The following ODAD2 variants were observed in gnomAD, a reference collection of about 807,000 sequenced individuals.
The protein encoded by ODAD2 is outer dynein arm docking complex subunit 2.
Under a neutral mutation model 106.8 loss-of-function variants are expected in ODAD2, and 89 were observed. The observed-to-expected ratio is 0.83, with a 90% CI of 0.70 to 0.99. The LOEUF is 0.99. ODAD2 is among the 50% of genes least tolerant of loss of function. The probability of loss-of-function intolerance (pLI) is 0.00; values close to 1 mark genes in which losing one functional copy is unlikely to be tolerated. For missense variants in ODAD2, 1,168 were observed against 1,238.5 expected, an observed-to-expected ratio of 0.94 and a Z score of 0.85; for synonymous variants, 404 against 436.2, an observed-to-expected ratio of 0.93 and a Z score of 0.92.
chr10:27,943,655 C>T (rs990591824), intron 12 of ODAD2, among the ~76,000 whole-genome samples: 18 of 151,490 alleles, frequency 1.2e-4, no homozygotes, highest in African/African-American at 3.6e-4. Flanking sequence ...GGCTTGATGG[C>T]GGGCACCTGT....
chr10:27,874,265 G>T (rs893614210), intron 17 of ODAD2, among the ~76,000 whole-genome samples: 1 of 152,032 alleles, frequency 6.6e-6, no homozygotes, highest in East Asian at 1.9e-4. Context: ...ACATGAGATG[G>T]GTCTCCTGAA....
chr10:27,944,530 T>C, intron 11 of ODAD2, 99 bp from the exon 12 acceptor site: 1 of 1,123,206 alleles, frequency 8.9e-7, no homozygotes, highest in Non-Finnish European at 1.3e-6. Flanking sequence ...TTAAGTTTTT[T>C]AAGAAATCAT....
At chr10:27,869,544 T>C (rs1180487580) in intron 17 of ODAD2, among the ~76,000 whole-genome samples, 2 of 151,326 alleles carry the variant, frequency 1.3e-5, no homozygotes, top group Non-Finnish European at 3.0e-5. Context: ...CTTTTTCTTT[T>C]TTTTTTTTGA....
chr10:27,835,070 G>A (rs72799642), intron 19 of ODAD2, among the ~76,000 whole-genome samples: 3,315 of 152,208 alleles, frequency 0.022, 57 homozygotes, highest in Non-Finnish European at 0.032. Flanking sequence ...TGTAGACATC[G>A]CGTGGCCCTG....
At position 27,867,343 on chromosome 10, in the gene ODAD2, G is replaced by A. The variant is rs531426925; in HGVS notation, c.2611-4721C>T. ...ATAAGACTACAATGCCACAAAGTCTGATGGTGCTGGGGTGTTCTGTTAGGC... is the reference window on the plus strand; with the variant it reads ...ATAAGACTACAATGCCACAAAGTCTAATGGTGCTGGGGTGTTCTGTTAGGC... On this transcript the variant is annotated intron_variant, in intron 17 of 19. Transcript: ENST00000305242. 1.3e-4 allele frequency among the ~76,000 whole-genome samples: 20 copies of A among 152,296 alleles called. No individual in the cohort carries two copies. In the South Asian group the frequency reaches 3.5e-3, roughly 27 times the overall value.
intron 19 of ODAD2, among the ~76,000 whole-genome samples, chr10:27,850,224 C>A (rs555723100): frequency 6.6e-6 from 1 of 152,198 alleles, no homozygotes; most frequent in South Asian, 2.1e-4. Context: ...ACGGGTGAAT[C>A]ACTTGAGGTC....
At chr10:27,838,762 T>C (rs552222981) in intron 19 of ODAD2, among the ~76,000 whole-genome samples, 2 of 136,478 alleles carry the variant, frequency 1.5e-5, no homozygotes, top group South Asian at 5.2e-4. Context: ...TATTTTACCA[T>C]ACTGTTTGTG....
At chr10:27,902,612 G>T (rs1340114585) in intron 17 of ODAD2, among the ~76,000 whole-genome samples, 1 of 151,932 alleles carries the variant, frequency 6.6e-6, no homozygotes, top group Non-Finnish European at 1.5e-5. Flanking sequence ...ATGATACAGG[G>T]GAGATCACCA....
chr10:27,904,371 G>A (rs1843432676), intron 17 of ODAD2: 1 of 202,410 alleles, frequency 4.9e-6, no homozygotes, highest in South Asian at 8.9e-5. Flanking sequence ...GAGTACTCAG[G>A]AGGCTGAGGC....
intron 2 of ODAD2, among the ~76,000 whole-genome samples, chr10:27,991,457 T>A (rs907966727): frequency 1.3e-5 from 2 of 152,176 alleles, no homozygotes; most frequent in African/African-American, 4.8e-5. Context: ...GACTAAAGTA[T>A]CAGTTTCAGT....
rs764481133 is a variant in ODAD2 at position 27,944,445 on chromosome 10, A to G, written c.1534-14T>C. ...TAATGAACCAATCTGTGTGAGAAAA[A>G]AAAAGATGAGTGGCGAATATGTAAC... is the stretch of plus-strand genomic sequence containing the variant. On this transcript the variant is annotated splice_polypyrimidine_tract_variant and intron_variant, in intron 11 of 19. Transcript: ENST00000305242. The G allele has an allele frequency of 6.2e-7, 1 of 1,606,390 alleles. No homozygotes were observed. The highest frequency in any genetic ancestry group is 8.5e-7 in the Non-Finnish European group (1 of 1,173,302).
intron 17 of ODAD2, among the ~76,000 whole-genome samples, chr10:27,891,986 C>A (rs1468932704): frequency 6.6e-6 from 1 of 152,108 alleles, no homozygotes; most frequent in African/African-American, 2.4e-5. Flanking sequence ...GATTCAGTTG[C>A]ATTCTTTACA....
intron 6 of ODAD2, 65 bp from the exon 7 acceptor site, chr10:27,981,647 A>G: frequency 8.9e-7 from 1 of 1,129,732 alleles, no homozygotes; most frequent in East Asian, 2.8e-5. Context: ...GCTGATCAAT[A>G]CATCACAAGC....
At chr10:27,892,807 T>G (rs993464467) in intron 17 of ODAD2, among the ~76,000 whole-genome samples, 3 of 152,240 alleles carry the variant, frequency 2.0e-5, no homozygotes, top group African/African-American at 7.2e-5. Context: ...GCTACTTCGT[T>G]GCCTGGCTCA....
In ODAD2 at chr10:27,944,804, A is replaced by G. The variant is rs780963538; in HGVS notation, c.1533+12T>C. ...AACAAGACTCCGCATCCAAGGTGAC[A>G]GAGCCACTCACCTTACATTTGACTT... On this transcript the variant is annotated intron_variant, in intron 11 of 19. Transcript: ENST00000305242. 3 of 1,614,062 alleles carry G rather than the reference A, an allele frequency of 1.9e-6. No individual in the cohort carries two copies. The highest frequency in any genetic ancestry group is 2.5e-6 in the Non-Finnish European group (3 of 1,179,930).
chr10:27,897,795 G>C (rs767838580), intron 17 of ODAD2, among the ~76,000 whole-genome samples: 4 of 152,102 alleles, frequency 2.6e-5, no homozygotes, highest in African/African-American at 4.8e-5. Flanking sequence ...AAGAGGGCTG[G>C]AGGCAGGGAG....
chr10:27,941,941 TG>T (rs2132597125), intron 12 of ODAD2, among the ~76,000 whole-genome samples: 1 of 152,268 alleles, frequency 6.6e-6, no homozygotes, highest in East Asian at 1.9e-4. Flanking sequence ...AGAGATCCAG[TG>T]GGACTGGCTT....
chr10:27,885,650 A>T (rs1288878160), intron 17 of ODAD2, among the ~76,000 whole-genome samples: 3 of 59,298 alleles, frequency 5.1e-5, no homozygotes, highest in African/African-American at 1.4e-4. Flanking sequence ...TATATATATT[A>T]TATATAATAT....
At chr10:27,957,324 G>A (rs1588607513) in intron 10 of ODAD2, 1 of 152,194 alleles carries the variant, frequency 6.6e-6, no homozygotes, top group Non-Finnish European at 1.5e-5. Flanking sequence ...GAACAGCAAA[G>A]CCCTGCCACT....
Sources: allele counts gnomAD v4.1 joint callset (sites outside exome capture counted in the v4.1 genomes callset), GRCh38; gene constraint gnomAD v4.1.1; transcripts MANE v1.5; gene names NCBI Gene and HGNC (gene_info 2026-07-23, HGNC 2026-07-21).